The following SIAE variants were observed in gnomAD, a reference collection of about 807,000 sequenced individuals.
SIAE encodes sialate O-acetylesterase.
Under a neutral mutation model 52.6 loss-of-function variants are expected in SIAE, and 39 were observed. That is an observed-to-expected ratio of 0.74 (90% CI 0.57 to 0.97). The LOEUF is 0.97. Ranked by LOEUF, SIAE falls within the 50% of genes least tolerant of loss-of-function variation. The pLI is 0.00. For missense variants in SIAE, 592 were observed against 662.1 expected, an observed-to-expected ratio of 0.89 and a Z score of 1.16; for synonymous variants, 233 against 241.4, an observed-to-expected ratio of 0.97 and a Z score of 0.32.
chr11:124,655,174 CTT>C (rs766294261), intron 3 of SIAE, among the ~76,000 whole-genome samples: 28 of 134,948 alleles, frequency 2.1e-4, no homozygotes, highest in South Asian at 2.3e-4. Flanking sequence ...TTAACTTCTT[CTT>C]TTTTTTTTTT....
chr11:124,640,664 C>T (rs1052135565), intron 7 of SIAE, among the ~76,000 whole-genome samples: 3 of 152,146 alleles, frequency 2.0e-5, no homozygotes, highest in Admixed American at 1.3e-4. Context: ...CTCCTATATC[C>T]ACACCCTCTT....
At chr11:124,675,323 T>A, upstream of SIAE, 1 of 1,614,216 alleles carries the variant, frequency 6.2e-7, no homozygotes, top group Non-Finnish European at 8.5e-7. Context: ...GGGAATCTTC[T>A]TGAAGGGCTG....
intron 3 of SIAE, 190 bp downstream of exon 3, chr11:124,660,438 A>G (rs1943169223): frequency 1.4e-6 from 1 of 690,620 alleles, no homozygotes; most frequent in Non-Finnish European, 2.6e-6. Context: ...TACCAATTTA[A>G]TCAATAGCTT....
At chr11:124,665,741 C>A (rs1943263466) in intron 2 of SIAE, among the ~76,000 whole-genome samples, 1 of 152,048 alleles carries the variant, frequency 6.6e-6, no homozygotes, top group Non-Finnish European at 1.5e-5. Context: ...ATCACTTGAA[C>A]CTGGCAGGCA....
In SIAE at chr11:124,636,808, G is replaced by A; in HGVS notation, c.*143C>T. The A allele has an allele frequency of 8.3e-7, 1 of 1,202,896 alleles. No homozygotes were observed. Among genetic ancestry groups the A allele is most frequent in the Non-Finnish European group, 1.2e-6 (1 of 823,262 alleles). 74.5% of individuals were successfully genotyped at this position (1,202,896 alleles called of 1,614,324 possible). A position where few individuals can be genotyped will look rare whatever the true frequency, so the allele number is the denominator to read the frequency against. On this transcript the variant is annotated 3_prime_UTR_variant, in exon 10 of 10. Coordinates refer to ENST00000263593, the MANE Select transcript of SIAE (RefSeq NM_170601.5). ...ATAAGCCTGGGCTCATCAGAATATAGAAACAGCCATGTGCTAGCTGAAAGC... is the reference window on the plus strand; with the variant it reads ...ATAAGCCTGGGCTCATCAGAATATAAAAACAGCCATGTGCTAGCTGAAAGC...
At chr11:124,642,940 G>A (rs756872527) in intron 7 of SIAE, among the ~76,000 whole-genome samples, 1 of 151,988 alleles carries the variant, frequency 6.6e-6, no homozygotes, top group Non-Finnish European at 1.5e-5. Flanking sequence ...GAATTCTGCC[G>A]ACAACCACAT....
chr11:124,675,293 A>G, upstream of SIAE: 1 of 1,614,076 alleles, frequency 6.2e-7, no homozygotes, highest in Non-Finnish European at 8.5e-7. Flanking sequence ...AACACCCACT[A>G]CCGAATTCCA....
chr11:124,635,602 T>C lies in SIAE; in HGVS notation c.*1349A>G, dbSNP rs944257096. On this transcript the variant is annotated 3_prime_UTR_variant, in exon 10 of 10. Transcript: ENST00000263593. ...AAAAATAAATTTACATATGATTTCA[T>C]TAATATATTCACTATCTAAACCATA... 1.1e-4 allele frequency: 16 copies of C among 152,210 alleles called. No homozygotes were observed. The highest frequency in any genetic ancestry group is 1.6e-4 in the Non-Finnish European group (11 of 68,028). The allele number at this position is 152,210 out of a possible 1,614,324, so 9.4% of individuals were successfully genotyped here. A position where few individuals can be genotyped will look rare whatever the true frequency, so the allele number is the denominator to read the frequency against.
At chr11:124,637,946 C>G (rs576009879) in intron 9 of SIAE, among the ~76,000 whole-genome samples, 19 of 152,326 alleles carry the variant, frequency 1.2e-4, no homozygotes, top group Admixed American at 9.1e-4. Context: ...CCCAAAGTCA[C>G]TCATTTAAAT....
intron 3 of SIAE, among the ~76,000 whole-genome samples, chr11:124,657,153 T>G (rs1257981936): frequency 1.3e-5 from 2 of 152,252 alleles, no homozygotes; most frequent in Non-Finnish European, 2.9e-5. Context: ...GATTACTGAC[T>G]GGTCTTCCCA....
chr11:124,662,011 A>G (rs1033766320), intron 2 of SIAE, among the ~76,000 whole-genome samples: 2 of 152,200 alleles, frequency 1.3e-5, no homozygotes, highest in Non-Finnish European at 2.9e-5. Context: ...TCAATTCATA[A>G]AGGATTTCTC....
At position 124,645,996 on chromosome 11, in the gene SIAE, T is replaced by C. The variant is rs1307434108; in HGVS notation, c.966+1369A>G. Among the ~76,000 whole-genome samples the C allele has an allele frequency of 3.3e-5, 5 of 152,230 alleles. No homozygotes were observed. Among genetic ancestry groups the C allele is most frequent in the Admixed American group, 2.6e-4 (4 of 15,304 alleles). On this transcript the variant is annotated intron_variant, in intron 7 of 9. Transcript: ENST00000263593. This position sits in a 1 kb window ranked among gnomAD's most constrained non-coding sequence, Gnocchi z 4.7. ...CGTGCGGAGGTGGTGTCTGGGACCA[T>C]GGATGTCCCATTTACACAGGAAAGC...
chr11:124,638,318 C>A (rs192339696), intron 9 of SIAE, among the ~76,000 whole-genome samples: 2 of 152,256 alleles, frequency 1.3e-5, no homozygotes, highest in African/African-American at 4.8e-5. Flanking sequence ...TTTTAAAGTC[C>A]ATTTTAATAT....
intron 7 of SIAE, 24 bp from the exon 8 acceptor site, chr11:124,639,891 T>G: frequency 6.2e-7 from 1 of 1,612,922 alleles, no homozygotes; most frequent in South Asian, 1.1e-5. Flanking sequence ...ACATTGCTAA[T>G]TTTATTGTAT....
At chr11:124,669,304 T>G in intron 2 of SIAE, 56 bp downstream of exon 2, 2 of 1,600,078 alleles carry the variant, frequency 1.2e-6, no homozygotes, top group Non-Finnish European at 1.7e-6. Flanking sequence ...CATTTTCAGA[T>G]AATCCAGCAG....
At chr11:124,651,145 G>A (rs1591388650) in intron 4 of SIAE, among the ~76,000 whole-genome samples, 2 of 152,126 alleles carry the variant, frequency 1.3e-5, no homozygotes, top group East Asian at 3.8e-4. Context: ...TAATTAAATG[G>A]ACAGAGCACC....
chr11:124,641,836 T>C (rs2134355994), intron 7 of SIAE, among the ~76,000 whole-genome samples: 1 of 151,742 alleles, frequency 6.6e-6, no homozygotes, highest in Admixed American at 6.6e-5. Flanking sequence ...TGCAGATGCC[T>C]GTAATCCCAG....
rs1015763808 is a variant in SIAE, at chr11:124,672,103, G to A, written c.67+1539C>T. Among the ~76,000 whole-genome samples the A allele has an allele frequency of 2.6e-5, 4 of 152,078 alleles. No individual in the cohort carries two copies. The East Asian group carries it at 7.7e-4, about 29-fold the overall frequency. ...TTTTTTTGTATTTTTAGTAGAGACG[G>A]GGTTTCGCCATGTTGGCCAGGCTGG... is the stretch of plus-strand genomic sequence containing the variant. On this transcript the variant is annotated intron_variant, in intron 1 of 9. Transcript: ENST00000263593.
In SIAE at chr11:124,647,224, C is replaced by T. The variant is rs572338463; in HGVS notation, c.966+141G>A. On this transcript the variant is annotated intron_variant, in intron 7 of 9. Transcript: ENST00000263593. ...CCTTACATTCAGTTCTTGACCAGCA[C>T]ATTATGAGGACAAAAAAGGAAGATG... 4 of 1,135,772 alleles carry T rather than the reference C, an allele frequency of 3.5e-6. No homozygotes were observed. In the East Asian group the frequency reaches 7.6e-5, roughly 21 times the overall value. 70.4% of individuals were successfully genotyped at this position (1,135,772 alleles called of 1,614,324 possible).
Sources: allele counts gnomAD v4.1 joint callset (sites outside exome capture counted in the v4.1 genomes callset), GRCh38; gene constraint gnomAD v4.1.1; non-coding constraint Gnocchi (gnomAD v3.1); transcripts MANE v1.5; gene names NCBI Gene and HGNC (gene_info 2026-07-23, HGNC 2026-07-21).